Variants in FANCB observed in about 807,000 individuals in gnomAD.
The protein encoded by FANCB is Fanconi anemia group B protein.
Under a neutral mutation model 38.9 loss-of-function variants are expected in FANCB, and 5 were observed. The ratio of observed to expected loss-of-function variants is 0.13; its 90% CI spans 0.07 to 0.27. The LOEUF (loss-of-function observed/expected upper bound fraction) is 0.27, where lower values mean the gene tolerates loss of function less well. Ranked by LOEUF, FANCB falls within the 10% of genes least tolerant of loss-of-function variation. FANCB has a pLI of 1.00. For missense variants in FANCB, 573 were observed against 602.7 expected (o/e 0.95, Z 0.52); for synonymous variants, 236 against 215.4 (o/e 1.10, Z -0.84).
chrX:14,848,058 T>C (rs940986307), intron 7 of FANCB, among the ~76,000 whole-genome samples: 55 of 112,146 alleles, frequency 4.9e-4, no homozygotes, highest in African/African-American at 1.8e-3. Flanking sequence ...TAGTTAAAAG[T>C]CACCTCACAA....
the FANCB span, among the ~76,000 whole-genome samples, chrX:14,734,162 T>TG: frequency 8.9e-6 from 1 of 112,154 alleles, no homozygotes; most frequent in Non-Finnish European, 1.9e-5. Context: ...GAAGAATCCT[T>TG]GGGAAGACAA....
the FANCB span, among the ~76,000 whole-genome samples, chrX:14,827,098 T>C: frequency 9.0e-6 from 1 of 111,731 alleles, no homozygotes; most frequent in Non-Finnish European, 1.9e-5. Flanking sequence ...TTGTAGCAGG[T>C]GTCTATTTGC....
chrX:14,838,958 G>A (rs760152578), downstream of FANCB, among the ~76,000 whole-genome samples: 6 of 111,904 alleles, frequency 5.4e-5, no homozygotes, highest in African/African-American at 9.8e-5. Context: ...TCCTACTGGA[G>A]AGGATATAGC....
chrX:14,756,636 C>T, the FANCB span, among the ~76,000 whole-genome samples: 17 of 111,868 alleles, frequency 1.5e-4, 1 homozygote, highest in African/African-American at 5.2e-4. Flanking sequence ...TTACCTCCTC[C>T]TCCTTGCTCC....
the FANCB span, among the ~76,000 whole-genome samples, chrX:14,792,514 A>T: frequency 4.7e-4 from 52 of 111,527 alleles, no homozygotes; most frequent in African/African-American, 1.6e-3. Flanking sequence ...AAAAATCAAT[A>T]TATTCAATTC....
At chrX:14,722,002 G>C in the FANCB span, among the ~76,000 whole-genome samples, 1 of 111,726 alleles carries the variant, frequency 9.0e-6, no homozygotes, top group Non-Finnish European at 1.9e-5. Context: ...CCTCCTTGAG[G>C]GCCTTCCAGC....
chrX:14,780,322 G>A, the FANCB span, among the ~76,000 whole-genome samples: 3 of 110,595 alleles, frequency 2.7e-5, no homozygotes, highest in Non-Finnish European at 5.6e-5. Context: ...TATTAAAGTC[G>A]AATATTGAAA....
the FANCB span, among the ~76,000 whole-genome samples, chrX:14,827,625 C>G: frequency 1.8e-5 from 2 of 111,854 alleles, no homozygotes; most frequent in South Asian, 7.3e-4. Context: ...GGGTAAAGAA[C>G]GAAGGCTGCT....
the FANCB span, among the ~76,000 whole-genome samples, chrX:14,810,463 G>C: frequency 8.9e-6 from 1 of 112,179 alleles, no homozygotes; most frequent in African/African-American, 3.2e-5. Flanking sequence ...ATACAGAGAA[G>C]TGCTTAAAGG....
the FANCB span, among the ~76,000 whole-genome samples, chrX:14,727,771 C>T: frequency 1.3e-3 from 145 of 112,277 alleles, no homozygotes; most frequent in Non-Finnish European, 2.1e-3. Context: ...TAACTGAGCA[C>T]ATGGAAGTAC....
At chrX:14,844,461 ACACT>A (rs748424973) in intron 9 of FANCB, 38 bp downstream of exon 9, 13 of 941,391 alleles carry the variant, frequency 1.4e-5, no homozygotes, top group Non-Finnish European at 2.0e-5. Flanking sequence ...ACACTCATAC[ACACT>A]CACTTCTCTG....
At chrX:14,695,659 C>T in the FANCB span, among the ~76,000 whole-genome samples, 1 of 111,952 alleles carries the variant, frequency 8.9e-6, no homozygotes, top group Admixed American at 9.4e-5. Context: ...AGTCTGTGTG[C>T]TTCACCATTG....
chrX:14,694,051 TAGA>T, the FANCB span, among the ~76,000 whole-genome samples: 89 of 110,899 alleles, frequency 8.0e-4, 2 homozygotes, highest in Non-Finnish European at 1.7e-4. Flanking sequence ...CCAAAGAGTG[TAGA>T]AGGAGTGAAA....
chrX:14,746,302 T>TAA, the FANCB span, among the ~76,000 whole-genome samples: 1 of 112,037 alleles, frequency 8.9e-6, no homozygotes, highest in Non-Finnish European at 1.9e-5. Context: ...GTCACATGCC[T>TAA]GTTTTAGGAT....
At chrX:14,713,720 A>G in the FANCB span, among the ~76,000 whole-genome samples, 3 of 111,256 alleles carry the variant, frequency 2.7e-5, no homozygotes, top group Non-Finnish European at 5.7e-5. Context: ...ACAAAGCCTA[A>G]AATGTTGACT....
At chrX:14,691,796 C>G in the FANCB span, among the ~76,000 whole-genome samples, 8 of 111,376 alleles carry the variant, frequency 7.2e-5, no homozygotes, top group African/African-American at 2.6e-4. Context: ...AGAAACATAC[C>G]CTTTGATATG....
the FANCB span, among the ~76,000 whole-genome samples, chrX:14,808,641 T>A: frequency 1.8e-5 from 2 of 112,396 alleles, no homozygotes; most frequent in African/African-American, 6.5e-5. Context: ...GCCTTTCCTC[T>A]AAGATGTGTA....
rs2092461977 is a variant in FANCB at position 14,864,817 on chromosome X, C to T, written c.694G>A (p.Ala232Thr). 1 of 1,206,935 alleles carries T rather than the reference C, an allele frequency of 8.3e-7. No individual in the cohort carries two copies. Among genetic ancestry groups the T allele is most frequent in the Admixed American group, 2.2e-5 (1 of 45,818 alleles). The change falls in exon 3 of 10, where the codon GCT becomes ACT. Residue 232 changes from alanine (A) to threonine (T), a missense_variant. Coordinates refer to ENST00000650831, the MANE Select transcript of FANCB (RefSeq NM_001018113.3). ...VLSDIYIIPP[A>T]YSSVVTYVHI... ...ACATAAGTCACCACACTGCTGTAAG[C>T]AGGAGGAATAATGTATATATCACTT...
At chrX:14,847,797 T>A (rs2092383343) in intron 7 of FANCB, among the ~76,000 whole-genome samples, 1 of 111,134 alleles carries the variant, frequency 9.0e-6, no homozygotes, top group Admixed American at 9.5e-5. Context: ...CAACAAAAAA[T>A]TTAATTATTT....
Sources: allele counts gnomAD v4.1 joint callset (sites outside exome capture counted in the v4.1 genomes callset), GRCh38; gene constraint gnomAD v4.1.1; transcripts MANE v1.5; gene names NCBI Gene and HGNC (gene_info 2026-07-23, HGNC 2026-07-21).